The following NDUFAF2 variants were observed in gnomAD, a reference collection of about 807,000 sequenced individuals.
NDUFAF2 encodes NADH dehydrogenase [ubiquinone] 1 alpha subcomplex assembly factor 2.
A neutral mutation model predicts 22.8 loss-of-function variants in NDUFAF2; 13 were observed. That is an observed-to-expected ratio of 0.57 (90% confidence interval 0.37 to 0.91). The LOEUF is 0.91. Ranked by LOEUF, NDUFAF2 falls within the 40% of genes least tolerant of loss-of-function variation. The pLI, the probability that NDUFAF2 is intolerant of heterozygous loss-of-function variation, is 0.01. For missense variants in NDUFAF2, 162 were observed against 195.2 expected (o/e 0.83, Z 1.01); for synonymous variants, 53 against 64.2 (o/e 0.83, Z 0.84).
chr5:60,948,825 A>C (rs1750501523), intron 1 of NDUFAF2, among the ~76,000 whole-genome samples: 1 of 152,160 alleles, frequency 6.6e-6, no homozygotes, highest in Non-Finnish European at 1.5e-5. Flanking sequence ...TAGAAATGGA[A>C]TGGCTGAGTC....
intron 2 of NDUFAF2, among the ~76,000 whole-genome samples, chr5:61,073,483 C>T (rs1752327287): frequency 2.0e-5 from 3 of 152,192 alleles, no homozygotes. Flanking sequence ...TCCTAAGATG[C>T]AAAATTTAAG....
intron 1 of NDUFAF2, among the ~76,000 whole-genome samples, chr5:60,956,996 A>G (rs886253209): frequency 3.9e-5 from 6 of 152,140 alleles, no homozygotes; most frequent in African/African-American, 1.4e-4. Flanking sequence ...GTATTAACCA[A>G]TTTTAAAGTT....
intron 3 of NDUFAF2, among the ~76,000 whole-genome samples, chr5:61,141,702 T>TGA: frequency 6.8e-6 from 1 of 146,690 alleles, no homozygotes. Context: ...GAAAAACACA[T>TGA]GAATGAATAA....
chr5:61,047,559 A>G (rs1006311422), intron 1 of NDUFAF2, among the ~76,000 whole-genome samples: 1 of 152,206 alleles, frequency 6.6e-6, no homozygotes, highest in Admixed American at 6.5e-5. Flanking sequence ...TTTCTGAACC[A>G]GCCATGGCTG....
intron 3 of NDUFAF2, among the ~76,000 whole-genome samples, chr5:61,137,335 CT>C (rs1740980585): frequency 6.6e-6 from 1 of 152,180 alleles, no homozygotes; most frequent in South Asian, 2.1e-4. Flanking sequence ...ATATGCTAAA[CT>C]TGATGCCTGG....
chr5:61,008,258 T>A (rs1009437044), intron 1 of NDUFAF2, among the ~76,000 whole-genome samples: 1 of 151,788 alleles, frequency 6.6e-6, no homozygotes. Flanking sequence ...CATATGTAAC[T>A]AACCTGCACA....
intron 1 of NDUFAF2, among the ~76,000 whole-genome samples, chr5:60,971,509 G>A (rs1246300398): frequency 7.3e-5 from 11 of 151,664 alleles, no homozygotes; most frequent in African/African-American, 2.4e-4. Flanking sequence ...GGATGGTCTC[G>A]ATCTCCTGAC....
At chr5:61,015,097 TGG>T (rs1374492540) in intron 1 of NDUFAF2, among the ~76,000 whole-genome samples, 1 of 152,188 alleles carries the variant, frequency 6.6e-6, no homozygotes, top group Admixed American at 6.5e-5. Context: ...GGCTGACTTT[TGG>T]GACATTGGCT....
intron 3 of NDUFAF2, among the ~76,000 whole-genome samples, chr5:61,102,465 A>T (rs866712804): frequency 6.6e-6 from 1 of 152,138 alleles, no homozygotes; most frequent in Non-Finnish European, 1.5e-5. Context: ...GAATAACTTA[A>T]TATCCATATG....
intron 3 of NDUFAF2, among the ~76,000 whole-genome samples, chr5:61,139,125 T>C (rs1367533111): frequency 1.3e-5 from 2 of 152,222 alleles, no homozygotes; most frequent in Non-Finnish European, 1.5e-5. Context: ...ATACATTTAA[T>C]ACACCTAACT....
At chr5:60,957,821 A>G (rs1268603265) in intron 1 of NDUFAF2, among the ~76,000 whole-genome samples, 1 of 152,182 alleles carries the variant, frequency 6.6e-6, no homozygotes, top group African/African-American at 2.4e-5. Context: ...GAAGGGGCTC[A>G]TTGGGACACT....
chr5:61,056,012 C>T (rs1014778907), intron 1 of NDUFAF2, among the ~76,000 whole-genome samples: 2 of 151,938 alleles, frequency 1.3e-5, no homozygotes, highest in Non-Finnish European at 2.9e-5. Context: ...ATTAATAAGC[C>T]AAATTAACAT....
intron 1 of NDUFAF2, among the ~76,000 whole-genome samples, chr5:60,947,875 A>G (rs1488694357): frequency 6.6e-6 from 1 of 152,136 alleles, no homozygotes; most frequent in Non-Finnish European, 1.5e-5. Flanking sequence ...TTTCAAATTA[A>G]CAGTCATGTC....
rs140490369 is a variant in NDUFAF2 at position 60,990,059 on chromosome 5, A to C, written c.127+44677A>C. 8.9e-4 allele frequency among the ~76,000 whole-genome samples: 135 copies of C among 152,344 alleles called. 1 individual carries two copies. Among genetic ancestry groups the C allele is most frequent in the African/African-American group, 3.2e-3 (131 of 41,574 alleles). Reference sequence around the variant, plus strand: ...TGAAATAAGCCAGGCACAGAAAGACAAACTTCATATATTCTCACTTATTTG... The same window carrying C: ...TGAAATAAGCCAGGCACAGAAAGACCAACTTCATATATTCTCACTTATTTG... On this transcript the variant is annotated intron_variant, in intron 1 of 3. Transcript: ENST00000296597.
At chr5:61,090,978 T>C (rs781480886) in intron 2 of NDUFAF2, among the ~76,000 whole-genome samples, 7 of 152,194 alleles carry the variant, frequency 4.6e-5, no homozygotes, top group African/African-American at 7.2e-5. Context: ...CTAAGGATAA[T>C]GGCTTCTGGC....
chr5:61,138,598 CCTCT>C (rs1488377658), intron 3 of NDUFAF2, among the ~76,000 whole-genome samples: 1 of 152,080 alleles, frequency 6.6e-6, no homozygotes, highest in Non-Finnish European at 1.5e-5. Context: ...CTGGAAGGCT[CCTCT>C]CTATGTTCAT....
At chr5:61,096,291 A>G (rs1020262289) in intron 2 of NDUFAF2, among the ~76,000 whole-genome samples, 3 of 152,100 alleles carry the variant, frequency 2.0e-5, no homozygotes, top group Non-Finnish European at 4.4e-5. Flanking sequence ...TTACAGACTC[A>G]CAAGGGAGAT....
At chr5:60,952,110 C>G (rs1352795304) in intron 1 of NDUFAF2, among the ~76,000 whole-genome samples, 3 of 151,586 alleles carry the variant, frequency 2.0e-5, no homozygotes, top group African/African-American at 7.3e-5. Flanking sequence ...TTTTCTTGGC[C>G]TATCTGATGA....
chr5:61,030,235 A>G (rs1425618378), intron 1 of NDUFAF2, among the ~76,000 whole-genome samples: 2 of 152,132 alleles, frequency 1.3e-5, no homozygotes, highest in East Asian at 1.9e-4. Context: ...ACTGTTTTCA[A>G]TAGTCAGGGA....
Sources: allele counts gnomAD v4.1 joint callset (sites outside exome capture counted in the v4.1 genomes callset), GRCh38; gene constraint gnomAD v4.1.1; transcripts MANE v1.5; gene names NCBI Gene and HGNC (gene_info 2026-07-23, HGNC 2026-07-21).